Variants in CNGA1 observed in about 807,000 individuals in gnomAD.
CNGA1 encodes cyclic nucleotide-gated channel alpha-1.
Under a neutral mutation model 69.7 loss-of-function variants are expected in CNGA1, and 53 were observed. That is an observed-to-expected ratio of 0.76 (90% CI 0.61 to 0.96). CNGA1 has a LOEUF of 0.96. Among genes scored for constraint, CNGA1 ranks in the 40% least tolerant of loss-of-function variants. The pLI is 0.00. For synonymous variants in CNGA1, 249 were observed against 283.5 expected (o/e 0.88, Z 1.22); for missense variants, 739 against 811.2 (o/e 0.91, Z 1.08).
At chr4:47,985,767 C>CA (rs879549476) in intron 2 of CNGA1, among the ~76,000 whole-genome samples, 33 of 151,696 alleles carry the variant, frequency 2.2e-4, no homozygotes, top group African/African-American at 7.5e-4. Flanking sequence ...CCCACCCCCC[C>CA]AAAAAAAACC....
At chr4:47,971,151 T>C (rs1023785860) in intron 3 of CNGA1, 3 of 441,672 alleles carry the variant, frequency 6.8e-6, no homozygotes, top group South Asian at 3.2e-5. Context: ...TATACATATA[T>C]ATGTAAATAT....
intron 2 of CNGA1, among the ~76,000 whole-genome samples, chr4:47,992,693 G>T (rs368137384): frequency 2.3e-5 from 2 of 85,868 alleles, no homozygotes; most frequent in Non-Finnish European, 5.9e-5. Context: ...TATTTATTTA[G>T]TCTGATTGCT....
At chr4:47,988,981 TA>T (rs1278822068) in intron 2 of CNGA1, among the ~76,000 whole-genome samples, 11 of 143,912 alleles carry the variant, frequency 7.6e-5, no homozygotes, top group South Asian at 2.1e-4. Context: ...TTCTTAGTTT[TA>T]AAAAAAAAAA....
At chr4:47,998,442 G>A (rs1234932960) in intron 2 of CNGA1, among the ~76,000 whole-genome samples, 1 of 152,162 alleles carries the variant, frequency 6.6e-6, no homozygotes. Context: ...GTTACTACCT[G>A]TAGACTGGAG....
chr4:47,953,609 A>G (rs1227637064), intron 3 of CNGA1, among the ~76,000 whole-genome samples: 1 of 152,232 alleles, frequency 6.6e-6, no homozygotes, highest in East Asian at 1.9e-4. Flanking sequence ...TAGTCAGGAC[A>G]TATTATTTCC....
intron 2 of CNGA1, among the ~76,000 whole-genome samples, chr4:48,002,791 A>G (rs981134505): frequency 3.3e-5 from 5 of 152,088 alleles, no homozygotes; most frequent in Non-Finnish European, 7.4e-5. Flanking sequence ...GGGGAAGCTC[A>G]TATCTTATAA....
chr4:47,995,062 C>T (rs1249740719), intron 2 of CNGA1, among the ~76,000 whole-genome samples: 6 of 152,090 alleles, frequency 3.9e-5, no homozygotes, highest in Non-Finnish European at 7.4e-5. Context: ...ATCTGATAGG[C>T]TTTCCTTTAT....
At chr4:47,995,528 A>G (rs959202454) in intron 2 of CNGA1, among the ~76,000 whole-genome samples, 1 of 148,336 alleles carries the variant, frequency 6.7e-6, no homozygotes. Flanking sequence ...TATCTATTTC[A>G]TTATTTCTCC....
At chr4:47,938,012 G>A (rs559201138) in intron 10 of CNGA1, among the ~76,000 whole-genome samples, 183 bp from the exon 11 acceptor site, 9 of 151,836 alleles carry the variant, frequency 5.9e-5, no homozygotes, top group African/African-American at 9.7e-5. Context: ...ATATTCTGCT[G>A]TAGAAATAAA....
chr4:47,961,970 G>A (rs540554103), intron 3 of CNGA1, among the ~76,000 whole-genome samples: 1 of 152,244 alleles, frequency 6.6e-6, no homozygotes, highest in Admixed American at 6.5e-5. Flanking sequence ...GCATTTACCT[G>A]GAAATTTAAC....
chr4:47,987,811 A>G (rs1438291977), intron 2 of CNGA1, among the ~76,000 whole-genome samples: 1 of 152,204 alleles, frequency 6.6e-6, no homozygotes, highest in Non-Finnish European at 1.5e-5. Context: ...AGAGACCTGA[A>G]TATAGACACA....
chr4:47,975,413 T>C lies in CNGA1; in HGVS notation c.-15+5980A>G, dbSNP rs187941254. On this transcript the variant is annotated intron_variant, in intron 3 of 10. Transcript: ENST00000514170. Reference sequence around the variant, plus strand: ...ATTGTTATCATAATCATTATCATCATCTTCACAATTCACAGAAAATGTTAA... The same window carrying C: ...ATTGTTATCATAATCATTATCATCACCTTCACAATTCACAGAAAATGTTAA... Among the ~76,000 whole-genome samples the C allele has an allele frequency of 4.3e-3, 653 of 152,318 alleles. 1 individual carries two copies. The highest frequency in any genetic ancestry group is 7.6e-3 in the Non-Finnish European group (520 of 68,030).
At chr4:47,954,789 C>G (rs1314227001) in intron 3 of CNGA1, among the ~76,000 whole-genome samples, 1 of 152,206 alleles carries the variant, frequency 6.6e-6, no homozygotes, top group Non-Finnish European at 1.5e-5. Flanking sequence ...CCTGGAAAAC[C>G]TTACGAGCCT....
At chr4:47,989,450 C>A (rs1742138269) in intron 2 of CNGA1, among the ~76,000 whole-genome samples, 1 of 152,106 alleles carries the variant, frequency 6.6e-6, no homozygotes, top group Non-Finnish European at 1.5e-5. Context: ...GGGAGTTGTA[C>A]ACTTACCAGG....
chr4:47,983,799 A>G (rs956278916), intron 2 of CNGA1, among the ~76,000 whole-genome samples: 2 of 152,180 alleles, frequency 1.3e-5, no homozygotes, highest in Non-Finnish European at 2.9e-5. Flanking sequence ...CAATTCTGTG[A>G]AGTAGAAAAG....
chr4:47,991,073 C>T (rs3113875), intron 2 of CNGA1, among the ~76,000 whole-genome samples: 21,004 of 152,128 alleles, frequency 0.14, 1,767 homozygotes, highest in Middle Eastern at 0.22. Context: ...GGCATTTGGA[C>T]TGATTCTATG....
rs566209024 is a variant in CNGA1, at chr4:47,984,602, G to A, written c.-122-3102C>T. ...TACTGCAGTACTCCAGCCTGGGCAA[G>A]GCATTGAGACTCCATCTCAAAAAAA... is the stretch of plus-strand genomic sequence containing the variant. On this transcript the variant is annotated intron_variant, in intron 2 of 10. Coordinates refer to ENST00000514170, the MANE Select transcript of CNGA1 (RefSeq NM_001379270.1). Among the ~76,000 whole-genome samples, 91 of 149,514 alleles carry A rather than the reference G, an allele frequency of 6.1e-4. 2 individuals are homozygous for A. In the South Asian group the frequency reaches 0.018, roughly 30 times the overall value.
intron 3 of CNGA1, among the ~76,000 whole-genome samples, chr4:47,964,629 G>A (rs1460180249): frequency 6.6e-6 from 1 of 151,882 alleles, no homozygotes. Context: ...GTGGATAGTC[G>A]ATATTCTAAT....
At chr4:47,991,684 A>G (rs1742276838) in intron 2 of CNGA1, among the ~76,000 whole-genome samples, 1 of 152,006 alleles carries the variant, frequency 6.6e-6, no homozygotes, top group Non-Finnish European at 1.5e-5. Flanking sequence ...AGTCCCAACT[A>G]TTTATCTTTG....
Sources: allele counts gnomAD v4.1 joint callset (sites outside exome capture counted in the v4.1 genomes callset), GRCh38; gene constraint gnomAD v4.1.1; transcripts MANE v1.5; gene names NCBI Gene and HGNC (gene_info 2026-07-23, HGNC 2026-07-21).